Variants in LUZP2 observed in about 807,000 individuals in gnomAD.
LUZP2 encodes the protein leucine zipper protein 2.
Under a neutral mutation model 51.6 loss-of-function variants are expected in LUZP2, and 52 were observed. The observed-to-expected ratio is 1.01, with a 90% CI of 0.81 to 1.27. The LOEUF (loss-of-function observed/expected upper bound fraction) is 1.27, where lower values mean the gene tolerates loss of function less well. Among genes scored for constraint, LUZP2 ranks in the 50% most tolerant of loss-of-function variants. The pLI is 0.00. For missense variants in LUZP2, 436 were observed against 395.4 expected (o/e 1.10, Z -0.87); for synonymous variants, 154 against 137.3 (o/e 1.12, Z -0.85).
At chr11:24,758,576 T>G (rs1859859954) in intron 4 of LUZP2, among the ~76,000 whole-genome samples, 1 of 152,030 alleles carries the variant, frequency 6.6e-6, no homozygotes, top group Admixed American at 6.6e-5. Context: ...ATCCACTAAT[T>G]ATTTTCACTG....
intron 1 of LUZP2, among the ~76,000 whole-genome samples, chr11:24,632,197 G>A (rs1206034607): frequency 6.6e-6 from 1 of 151,878 alleles, no homozygotes; most frequent in Non-Finnish European, 1.5e-5. Flanking sequence ...AAAACTGAAG[G>A]AACTTGTGTG....
intron 1 of LUZP2, among the ~76,000 whole-genome samples, chr11:24,628,677 G>C (rs1415961886): frequency 6.6e-6 from 1 of 152,122 alleles, no homozygotes; most frequent in Non-Finnish European, 1.5e-5. Context: ...TCTTGCCTCA[G>C]CATCCTGAGT....
chr11:24,754,730 A>G (rs1590456805), intron 4 of LUZP2, among the ~76,000 whole-genome samples: 1 of 152,138 alleles, frequency 6.6e-6, no homozygotes, highest in South Asian at 2.1e-4. Context: ...TATCCACCCC[A>G]CCAGACTGGC....
chr11:24,933,719 C>T lies in LUZP2; in HGVS notation c.522+19181C>T, dbSNP rs1045634922. Reference sequence around the variant, plus strand: ...TTTAAATGGCTTGCATACTGTCATGCGCATCTGTGTGAAGGGACCACCAAA... The same window carrying T: ...TTTAAATGGCTTGCATACTGTCATGTGCATCTGTGTGAAGGGACCACCAAA... On this transcript the variant is annotated intron_variant, in intron 7 of 11. Coordinates refer to ENST00000336930, the MANE Select transcript of LUZP2 (RefSeq NM_001009909.4). 2.5e-4 allele frequency among the ~76,000 whole-genome samples: 38 copies of T among 152,006 alleles called. 1 individual carries two copies. The highest frequency in any genetic ancestry group is 8.2e-4 in the African/African-American group (34 of 41,376).
chr11:24,576,958 G>A (rs1475430415), intron 1 of LUZP2, among the ~76,000 whole-genome samples: 1 of 151,926 alleles, frequency 6.6e-6, no homozygotes, highest in African/African-American at 2.4e-5. Flanking sequence ...TGTTCAATCA[G>A]AAGAAATTGA....
intron 5 of LUZP2, among the ~76,000 whole-genome samples, chr11:24,820,214 G>A (rs2716482): frequency 0.74 from 112,521 of 152,018 alleles, 42,078 homozygotes; most frequent in Non-Finnish European, 0.8. Flanking sequence ...ATAACATTTC[G>A]TCAGGGAGGT....
chr11:24,833,058 G>A (rs1188181588), intron 5 of LUZP2, among the ~76,000 whole-genome samples: 2 of 152,086 alleles, frequency 1.3e-5, no homozygotes, highest in African/African-American at 4.8e-5. Flanking sequence ...GTTGATGAAG[G>A]GGTTTCCTGA....
chr11:24,640,982 TATA>T (rs1855260654), intron 1 of LUZP2, among the ~76,000 whole-genome samples: 1 of 61,866 alleles, frequency 1.6e-5, no homozygotes, highest in Non-Finnish European at 3.5e-5. Flanking sequence ...TAGATATAGA[TATA>T]GATATAGATA....
At chr11:24,578,739 A>G (rs1204333943) in intron 1 of LUZP2, among the ~76,000 whole-genome samples, 1 of 152,084 alleles carries the variant, frequency 6.6e-6, no homozygotes, top group Non-Finnish European at 1.5e-5. Flanking sequence ...TCGGGTACTC[A>G]CTGACATAGA....
Position 24,996,571 on chromosome 11 carries a change from T to TA in LUZP2, c.765+13278_765+13279insA, listed in dbSNP as rs1565205093. On this transcript the variant is annotated intron_variant, in intron 9 of 11. Transcript: ENST00000336930. ...TTCAGATATTATTTTTCTTTTTTCT[T>TA]TTTTTATTTTATTTTATTTTATTTT... 1.3e-3 allele frequency among the ~76,000 whole-genome samples: 187 copies of TA among 145,208 alleles called. 3 individuals carry two copies. The highest frequency in any genetic ancestry group is 4.6e-3 in the African/African-American group (179 of 39,206).
chr11:25,053,932 C>T (rs1485739099), intron 10 of LUZP2, among the ~76,000 whole-genome samples: 1 of 152,158 alleles, frequency 6.6e-6, no homozygotes. Flanking sequence ...ACCATTAAAA[C>T]CTCATGGTTC....
chr11:24,691,481 T>TC (rs901786211), intron 1 of LUZP2, among the ~76,000 whole-genome samples: 1 of 151,544 alleles, frequency 6.6e-6, no homozygotes, highest in African/African-American at 2.4e-5. Flanking sequence ...ATTCTGTTTT[T>TC]TTTTTTTTCA....
chr11:24,820,148 G>A (rs1453099723), intron 5 of LUZP2, among the ~76,000 whole-genome samples: 1 of 152,132 alleles, frequency 6.6e-6, no homozygotes, highest in Non-Finnish European at 1.5e-5. Context: ...TGTGGAAATT[G>A]TTATAATAGG....
chr11:25,023,310 C>G (rs1046694122), intron 9 of LUZP2, among the ~76,000 whole-genome samples: 6 of 152,000 alleles, frequency 3.9e-5, no homozygotes, highest in Admixed American at 6.6e-5. Flanking sequence ...TTAATAGCCT[C>G]AATTTCACAG....
At chr11:24,637,137 T>A (rs1310040115) in intron 1 of LUZP2, among the ~76,000 whole-genome samples, 1 of 151,782 alleles carries the variant, frequency 6.6e-6, no homozygotes, top group Non-Finnish European at 1.5e-5. Flanking sequence ...AGCAGAGTGT[T>A]AGAAATATAA....
chr11:24,875,926 C>T (rs2134278992), intron 5 of LUZP2, among the ~76,000 whole-genome samples: 1 of 151,032 alleles, frequency 6.6e-6, no homozygotes, highest in South Asian at 2.1e-4. Flanking sequence ...TGTTCATGTC[C>T]TTTGCCCACT....
chr11:24,963,378 C>G (rs1855477280), intron 7 of LUZP2, among the ~76,000 whole-genome samples: 1 of 152,202 alleles, frequency 6.6e-6, no homozygotes, highest in South Asian at 2.1e-4. Context: ...GTGGAGCCTA[C>G]AGAGGCAGAC....
In LUZP2 at chr11:24,564,633, T is replaced by A. The variant is rs74971538; in HGVS notation, c.62+67328T>A. 3.9e-3 allele frequency among the ~76,000 whole-genome samples: 600 copies of A among 152,264 alleles called. 25 individuals carry two copies. The East Asian group carries it at 0.086, about 22-fold the overall frequency. ...TGAAATTGGGACAATTTTCCATAGC[T>A]GGTCAGTCTCATTTATCTAGAAGCT... On this transcript the variant is annotated intron_variant, in intron 1 of 11. Transcript: ENST00000336930.
chr11:24,754,101 C>T (rs961127395), intron 4 of LUZP2, among the ~76,000 whole-genome samples: 2 of 152,082 alleles, frequency 1.3e-5, no homozygotes, highest in Non-Finnish European at 2.9e-5. Flanking sequence ...AGATGAATCC[C>T]ATGACTCTCT....
Sources: allele counts gnomAD v4.1 joint callset (sites outside exome capture counted in the v4.1 genomes callset), GRCh38; gene constraint gnomAD v4.1.1; transcripts MANE v1.5; gene names NCBI Gene and HGNC (gene_info 2026-07-23, HGNC 2026-07-21).